SWT1: variants seen among roughly 807,000 people sequenced by gnomAD.
SWT1 encodes the protein transcriptional protein SWT1.
In SWT1, 33 loss-of-function variants were observed where a neutral mutation model predicts 107.3. The ratio of observed to expected loss-of-function variants is 0.31; its 90% confidence interval spans 0.23 to 0.41. SWT1 has a LOEUF of 0.41. Ranked by LOEUF, SWT1 falls within the 10% of genes least tolerant of loss-of-function variation. The pLI is 1.00. For missense variants in SWT1, 898 were observed against 1,028.9 expected (o/e 0.87, Z 1.74); for synonymous variants, 345 against 348.3 (o/e 0.99, Z 0.11).
At chr1:185,284,766 A>C (rs1164370452) in intron 18 of SWT1, among the ~76,000 whole-genome samples, 1 of 152,190 alleles carries the variant, frequency 6.6e-6, no homozygotes, top group Non-Finnish European at 1.5e-5. Flanking sequence ...CCTAGAGCCC[A>C]CATAGCAAGT....
At chr1:185,252,135 T>C (rs1210475661) in intron 16 of SWT1, among the ~76,000 whole-genome samples, 3 of 152,262 alleles carry the variant, frequency 2.0e-5, no homozygotes, top group Admixed American at 6.5e-5. Context: ...GGCTGCATAG[T>C]ATTCCATGGT....
chr1:185,256,988 T>C (rs1166689700), intron 16 of SWT1, among the ~76,000 whole-genome samples: 1 of 152,144 alleles, frequency 6.6e-6, no homozygotes, highest in Non-Finnish European at 1.5e-5. Context: ...CTTGTTAGTT[T>C]TCCTTCTAAC....
At chr1:185,262,945 C>T (rs1160274056) in intron 16 of SWT1, among the ~76,000 whole-genome samples, 1 of 151,916 alleles carries the variant, frequency 6.6e-6, no homozygotes, top group Admixed American at 6.6e-5. Flanking sequence ...GTGCCGTCAT[C>T]CTGGGTGATT....
At chr1:185,235,577 C>T (rs536552409) in intron 16 of SWT1, among the ~76,000 whole-genome samples, 17 of 152,238 alleles carry the variant, frequency 1.1e-4, no homozygotes, top group African/African-American at 4.1e-4. Context: ...ATAATAAGAG[C>T]TATTTACGAC....
At chr1:185,224,442 T>C (rs1048698362) in intron 15 of SWT1, among the ~76,000 whole-genome samples, 2 of 152,210 alleles carry the variant, frequency 1.3e-5, no homozygotes, top group Non-Finnish European at 2.9e-5. Flanking sequence ...CTTTGTTCTT[T>C]TTGCTCAGGG....
In SWT1 at chr1:185,172,777, G is replaced by A. The variant is rs536591192; in HGVS notation, c.225-1595G>A. Among the ~76,000 whole-genome samples the A allele has an allele frequency of 1.1e-4, 16 of 152,116 alleles. No homozygotes were observed. The South Asian group carries it at 2.3e-3, about 22-fold the overall frequency. ...GAAGAAAATGGTATGGGCCAGCTGC[G>A]GTGGCTCACACCTGTAATCCCAGCA... On this transcript the variant is annotated intron_variant, in intron 4 of 18. Transcript: ENST00000367500.
At chr1:185,198,570 C>G (rs904065345) in intron 10 of SWT1, among the ~76,000 whole-genome samples, 4 of 152,108 alleles carry the variant, frequency 2.6e-5, no homozygotes, top group African/African-American at 9.7e-5. Context: ...GAGTCTAAGT[C>G]TCTTTGTAGG....
rs1406972360 is a variant in SWT1, at chr1:185,174,879, C to T, written c.732C>T (p.Leu244=). The part of the protein sequence containing the change: ...FKIPIKSRDT[L]QKLVEENVFN... ...TCCCTATAAAATCCCGTGACACCCT[C>T]CAGAAACTTGTAGAAGAAAATGTCT... The change falls in exon 5 of 19, where the codon CTC becomes CTT. Residue 244 remains leucine (L), a synonymous_variant. Transcript: ENST00000367500. 1 of 1,614,020 alleles carries T rather than the reference C, an allele frequency of 6.2e-7. No individual in the cohort carries two copies. The highest frequency in any genetic ancestry group is 1.1e-5 in the South Asian group (1 of 91,082).
rs370190883 is a variant in SWT1 at position 185,230,700 on chromosome 1, G to A, written c.2310-877G>A. On this transcript the variant is annotated intron_variant, in intron 15 of 18. Coordinates refer to ENST00000367500, the MANE Select transcript of SWT1 (RefSeq NM_017673.7). Reference sequence around the variant, plus strand: ...CTTTTATTTTTCTATTTCATAGGTGGCATAAGCATCATTTTAATAGTTTGG... The same window carrying A: ...CTTTTATTTTTCTATTTCATAGGTGACATAAGCATCATTTTAATAGTTTGG... 1.3e-4 allele frequency among the ~76,000 whole-genome samples: 19 copies of A among 151,888 alleles called. No individual in the cohort carries two copies. In the South Asian group the frequency reaches 3.7e-3, roughly 30 times the overall value.
chr1:185,210,088 T>A (rs1294351984), intron 13 of SWT1, among the ~76,000 whole-genome samples: 1 of 152,218 alleles, frequency 6.6e-6, no homozygotes. Context: ...TTCTTGTAAA[T>A]CTATTTAAGT....
At chr1:185,181,777 CGT>C (rs1656038040) in intron 6 of SWT1, among the ~76,000 whole-genome samples, 167 bp from the exon 7 acceptor site, 1 of 152,150 alleles carries the variant, frequency 6.6e-6, no homozygotes, top group South Asian at 2.1e-4. Context: ...TTGAAAACCA[CGT>C]GTGTGTTTAT....
intron 14 of SWT1, among the ~76,000 whole-genome samples, chr1:185,216,585 G>T (rs1005890278): frequency 6.6e-6 from 1 of 152,108 alleles, no homozygotes; most frequent in African/African-American, 2.4e-5. Context: ...ATGAAAATAT[G>T]ATGTTAAAAT....
intron 17 of SWT1, among the ~76,000 whole-genome samples, chr1:185,272,480 T>C (rs1663942103): frequency 6.6e-6 from 1 of 152,220 alleles, no homozygotes; most frequent in African/African-American, 2.4e-5. Context: ...CCTGGTTAGC[T>C]CTTTGTTTAA....
intron 4 of SWT1, chr1:185,171,432 G>A (rs977156487): frequency 7.4e-6 from 2 of 268,582 alleles, no homozygotes; most frequent in South Asian, 3.7e-5. Flanking sequence ...GTCCAATCAC[G>A]TAGATTGTTC....
At chr1:185,215,415 A>G (rs1199313416) in intron 14 of SWT1, among the ~76,000 whole-genome samples, 1 of 152,176 alleles carries the variant, frequency 6.6e-6, no homozygotes. Context: ...CATTGATACA[A>G]TAGTTATCTG....
At chr1:185,178,436 G>A (rs1345580306) in intron 5 of SWT1, among the ~76,000 whole-genome samples, 1 of 152,144 alleles carries the variant, frequency 6.6e-6, no homozygotes, top group Non-Finnish European at 1.5e-5. Context: ...ATATAATTGT[G>A]TTTTCCATTT....
At chr1:185,290,251 T>C (rs535137705) in intron 18 of SWT1, among the ~76,000 whole-genome samples, 1 of 152,112 alleles carries the variant, frequency 6.6e-6, no homozygotes, top group Non-Finnish European at 1.5e-5. Context: ...TACTCCAGCC[T>C]GGACAACAGG....
At chr1:185,232,755 A>C (rs960132401) in intron 16 of SWT1, among the ~76,000 whole-genome samples, 1 of 152,212 alleles carries the variant, frequency 6.6e-6, no homozygotes, top group Non-Finnish European at 1.5e-5. Flanking sequence ...AATATTGCAT[A>C]CTATACCACC....
intron 2 of SWT1, among the ~76,000 whole-genome samples, chr1:185,161,132 T>A (rs1209061756): frequency 6.6e-6 from 1 of 152,212 alleles, no homozygotes; most frequent in Non-Finnish European, 1.5e-5. Flanking sequence ...TTATTCCAAT[T>A]ACACAGATGA....
Sources: gnomAD v4.1 joint callset for allele counts (sites outside exome capture counted in the v4.1 genomes callset) on GRCh38, gnomAD v4.1.1 for gene constraint, MANE v1.5 for transcripts, NCBI Gene and HGNC (gene_info 2026-07-23, HGNC 2026-07-21) for gene names.